The following BICC1 variants were observed in gnomAD, a reference collection of about 807,000 sequenced individuals.
BICC1 encodes the protein protein bicaudal C homolog 1.
A neutral mutation model predicts 111.0 loss-of-function variants in BICC1; 43 were observed. The observed-to-expected ratio is 0.39, with a 90% CI of 0.30 to 0.50. BICC1 has a LOEUF of 0.50. Ranked by LOEUF, BICC1 falls within the 20% of genes least tolerant of loss-of-function variation. BICC1 has a pLI of 0.88. For missense variants in BICC1, 1,091 were observed against 1,203.2 expected (o/e 0.91, Z 1.38); for synonymous variants, 467 against 434.4 (o/e 1.07, Z -0.93).
At chr10:58,641,814 G>T (rs1241959639) in intron 2 of BICC1, among the ~76,000 whole-genome samples, 2 of 152,074 alleles carry the variant, frequency 1.3e-5, no homozygotes, top group Non-Finnish European at 2.9e-5. Flanking sequence ...CCATTTTTAA[G>T]TATACAGTCT....
chr10:58,664,971 A>G (rs530779217), intron 2 of BICC1, among the ~76,000 whole-genome samples: 2 of 152,248 alleles, frequency 1.3e-5, no homozygotes, highest in South Asian at 4.2e-4. Context: ...TGAGCTTAAT[A>G]TGAGTCCCGG....
intron 2 of BICC1, among the ~76,000 whole-genome samples, chr10:58,638,462 G>A (rs557149815): frequency 1.3e-5 from 2 of 152,134 alleles, no homozygotes; most frequent in Admixed American, 1.3e-4. Flanking sequence ...TTTGACTCTT[G>A]CCTTCTTTGC....
At chr10:58,791,842 A>C (rs557766415) in intron 8 of BICC1, among the ~76,000 whole-genome samples, 1 of 151,790 alleles carries the variant, frequency 6.6e-6, no homozygotes, top group East Asian at 1.9e-4. Context: ...CTCAGGCTGG[A>C]GTGTAGTAGT....
intron 1 of BICC1, among the ~76,000 whole-genome samples, chr10:58,588,678 GCACACGATGT>G (rs1433392401): frequency 1.3e-5 from 2 of 152,154 alleles, no homozygotes; most frequent in Non-Finnish European, 1.5e-5. Flanking sequence ...AGGGTGCTGT[GCACACGATGT>G]CACAGGTACC....
At chr10:58,560,756 T>A (rs989655633) in intron 1 of BICC1, among the ~76,000 whole-genome samples, 2 of 152,090 alleles carry the variant, frequency 1.3e-5, no homozygotes. Flanking sequence ...TGTGTTTGTA[T>A]TTTAGTTTAA....
At chr10:58,614,125 T>G (rs944835070) in intron 1 of BICC1, among the ~76,000 whole-genome samples, 2 of 152,134 alleles carry the variant, frequency 1.3e-5, no homozygotes, top group African/African-American at 4.8e-5. Context: ...ACTCTCAAAT[T>G]TGGGCTCAGA....
intron 2 of BICC1, among the ~76,000 whole-genome samples, chr10:58,676,817 G>A (rs951458863): frequency 7.2e-5 from 11 of 152,188 alleles, no homozygotes; most frequent in African/African-American, 1.7e-4. Flanking sequence ...GGCATCTGGC[G>A]GGTGTCCCTC....
chr10:58,752,643 G>A (rs10826233), intron 3 of BICC1, among the ~76,000 whole-genome samples: 91,051 of 151,910 alleles, frequency 0.6, 29,179 homozygotes, highest in East Asian at 0.9. Context: ...TAGAGGCACC[G>A]TTGATTCTAG....
At chr10:58,762,828 C>T (rs1842354091) in intron 3 of BICC1, among the ~76,000 whole-genome samples, 1 of 151,300 alleles carries the variant, frequency 6.6e-6, no homozygotes. Flanking sequence ...ACAAAGAGTT[C>T]TCTCTCTCCA....
Position 58,613,068 on chromosome 10 carries a change from G to A in BICC1, c.191-7787G>A, listed in dbSNP as rs1359434616. Among the ~76,000 whole-genome samples, 5 of 152,098 alleles carry A rather than the reference G, an allele frequency of 3.3e-5. No individual in the cohort carries two copies. In the South Asian group the frequency reaches 8.3e-4, roughly 25 times the overall value. ...AAGCAAAAATATGAAATAAAATATGGCAAAGCATTGGAGAAATTATAATAA... is the reference window on the plus strand; with the variant it reads ...AAGCAAAAATATGAAATAAAATATGACAAAGCATTGGAGAAATTATAATAA... On this transcript the variant is annotated intron_variant, in intron 1 of 20. Coordinates refer to ENST00000373886, the MANE Select transcript of BICC1 (RefSeq NM_001080512.3).
In BICC1 at chr10:58,718,247, G is replaced by A. The variant is rs568646694; in HGVS notation, c.307+16104G>A. ...AGGTGCTGGCAGATTTGGTGTCAGGGCCTGTTCCTCATAGGTGGCACCTTC... is the reference window on the plus strand; with the variant it reads ...AGGTGCTGGCAGATTTGGTGTCAGGACCTGTTCCTCATAGGTGGCACCTTC... On this transcript the variant is annotated intron_variant, in intron 3 of 20. Coordinates refer to ENST00000373886, the MANE Select transcript of BICC1 (RefSeq NM_001080512.3). 4.6e-5 allele frequency among the ~76,000 whole-genome samples: 7 copies of A among 152,226 alleles called. No individual in the cohort carries two copies. The South Asian group carries it at 1.5e-3, about 32-fold the overall frequency.
chr10:58,609,615 A>AT (rs1319495031), intron 1 of BICC1, among the ~76,000 whole-genome samples: 2 of 152,326 alleles, frequency 1.3e-5, no homozygotes, highest in East Asian at 1.9e-4. Context: ...CATTATTAAG[A>AT]TTTTTTACAT....
chr10:58,694,219 G>A (rs1840001777), intron 2 of BICC1, among the ~76,000 whole-genome samples: 1 of 152,092 alleles, frequency 6.6e-6, no homozygotes, highest in Non-Finnish European at 1.5e-5. Context: ...TTGTTGGTCA[G>A]TTTCCCCTTT....
intron 3 of BICC1, among the ~76,000 whole-genome samples, chr10:58,784,248 T>C (rs1842951920): frequency 6.6e-6 from 1 of 152,210 alleles, no homozygotes; most frequent in Non-Finnish European, 1.5e-5. Flanking sequence ...TTCACTTATC[T>C]CTTCTCTCTA....
intron 9 of BICC1, among the ~76,000 whole-genome samples, chr10:58,795,279 C>A (rs2132841287): frequency 6.6e-6 from 1 of 152,184 alleles, no homozygotes; most frequent in East Asian, 1.9e-4. Flanking sequence ...ATGATCTTGC[C>A]TTCTCCCAAA....
At chr10:58,551,885 TGCAAGGA>T (rs1295449091) in intron 1 of BICC1, among the ~76,000 whole-genome samples, 13 of 152,120 alleles carry the variant, frequency 8.5e-5, no homozygotes, top group Non-Finnish European at 1.9e-4. Flanking sequence ...AGATGTTTAG[TGCAAGGA>T]ACACCATGCA....
chr10:58,769,404 G>GTATATATATATATATATATATATA (rs59606054), intron 3 of BICC1, among the ~76,000 whole-genome samples: 68 of 109,680 alleles, frequency 6.2e-4, no homozygotes, highest in East Asian at 1.2e-3. Context: ...GTGTGTGTGT[G>GTATATATATATATATATATATATA]TATATATATA....
In BICC1 at chr10:58,676,736, C is replaced by G. The variant is rs146704800; in HGVS notation, c.238-25338C>G. ...CCTCCTCAAGTGGGTCTCTGACCCCCCCGTGCCTCCTGACTGGGAGACACC... is the reference window on the plus strand; with the variant it reads ...CCTCCTCAAGTGGGTCTCTGACCCCGCCGTGCCTCCTGACTGGGAGACACC... On this transcript the variant is annotated intron_variant, in intron 2 of 20. Transcript: ENST00000373886. 4.9e-4 allele frequency among the ~76,000 whole-genome samples: 74 copies of G among 152,308 alleles called. 2 individuals are homozygous for G. In the East Asian group the frequency reaches 0.012, roughly 24 times the overall value.
At chr10:58,582,320 T>A (rs1055371637) in intron 1 of BICC1, among the ~76,000 whole-genome samples, 6 of 152,248 alleles carry the variant, frequency 3.9e-5, no homozygotes, top group Non-Finnish European at 8.8e-5. Context: ...TGTGGTCTTT[T>A]TGACCTTTGT....
Sources: gnomAD v4.1 joint callset for allele counts (sites outside exome capture counted in the v4.1 genomes callset) on GRCh38, gnomAD v4.1.1 for gene constraint, MANE v1.5 for transcripts, NCBI Gene and HGNC (gene_info 2026-07-23, HGNC 2026-07-21) for gene names.